Variants in EPB41L3 observed in about 807,000 individuals in gnomAD.
EPB41L3 encodes band 4.1-like protein 3.
A neutral mutation model predicts 127.1 loss-of-function variants in EPB41L3; 57 were observed. The observed-to-expected ratio is 0.45, with a 90% CI of 0.36 to 0.56. EPB41L3 has a LOEUF of 0.56. Ranked by LOEUF, EPB41L3 falls within the 20% of genes least tolerant of loss-of-function variation. The probability of loss-of-function intolerance (pLI) is 0.00; values close to 1 mark genes in which losing one functional copy is unlikely to be tolerated. For synonymous variants in EPB41L3, 572 were observed against 549.5 expected, an observed-to-expected ratio of 1.04 and a Z score of -0.57; for missense variants, 1,273 against 1,372.2, an observed-to-expected ratio of 0.93 and a Z score of 1.14.
intron 5 of EPB41L3, among the ~76,000 whole-genome samples, chr18:5,441,809 A>T (rs73379535): frequency 0.015 from 2,342 of 152,282 alleles, 65 homozygotes; most frequent in African/African-American, 0.053. Flanking sequence ...TATCTCCTTT[A>T]TCTGCAAGAC....
At chr18:5,615,861 T>C (rs1695756899) in intron 1 of EPB41L3, among the ~76,000 whole-genome samples, 1 of 152,154 alleles carries the variant, frequency 6.6e-6, no homozygotes, top group Non-Finnish European at 1.5e-5. Flanking sequence ...GGACAACCCC[T>C]ATCTGTATCA....
chr18:5,415,742 C>T, intron 13 of EPB41L3, 76 bp downstream of exon 13: 2 of 1,417,872 alleles, frequency 1.4e-6, no homozygotes, highest in Non-Finnish European at 9.6e-7. Context: ...ACCACTATGG[C>T]AGCAGCCAGC....
At chr18:5,517,947 C>G (rs1260383125) in intron 1 of EPB41L3, among the ~76,000 whole-genome samples, 1 of 152,132 alleles carries the variant, frequency 6.6e-6, no homozygotes, top group Non-Finnish European at 1.5e-5. Context: ...TCTTCTATAC[C>G]TATGCTCAGT....
At chr18:5,508,006 G>A (rs185338343) in intron 1 of EPB41L3, among the ~76,000 whole-genome samples, 16 of 152,146 alleles carry the variant, frequency 1.1e-4, no homozygotes, top group African/African-American at 3.9e-4. Context: ...CTGAGCTTGG[G>A]AGATAATTAC....
At chr18:5,432,084 A>C (rs1174878905) in intron 8 of EPB41L3, among the ~76,000 whole-genome samples, 1 of 152,142 alleles carries the variant, frequency 6.6e-6, no homozygotes, top group Non-Finnish European at 1.5e-5. Context: ...TGACGTGCAG[A>C]GTGATCCGCG....
At chr18:5,465,850 T>A (rs1449588130) in intron 3 of EPB41L3, among the ~76,000 whole-genome samples, 1 of 152,186 alleles carries the variant, frequency 6.6e-6, no homozygotes, top group Non-Finnish European at 1.5e-5. Context: ...CAGTCTCATT[T>A]AATTCATGAA....
rs943713382 is a variant in EPB41L3 at position 5,393,187 on chromosome 18, A to T, written c.*298T>A. Reference sequence around the variant, plus strand: ...ACCACGGTTTATATTGTTGGTTATGAACGTGCAGGTATAGCTGAAAACTGA... The same window carrying T: ...ACCACGGTTTATATTGTTGGTTATGTACGTGCAGGTATAGCTGAAAACTGA... On this transcript the variant is annotated 3_prime_UTR_variant, in exon 23 of 23. Transcript: ENST00000341928. 1 of 356,358 alleles carries T rather than the reference A, an allele frequency of 2.8e-6. No individual in the cohort carries two copies. The highest frequency in any genetic ancestry group is 2.1e-5 in the African/African-American group (1 of 47,482). 22.1% of individuals were successfully genotyped at this position (356,358 alleles called of 1,614,324 possible).
chr18:5,591,882 C>T (rs974821777), intron 3 of EPB41L3, among the ~76,000 whole-genome samples: 1 of 152,116 alleles, frequency 6.6e-6, no homozygotes, highest in Non-Finnish European at 1.5e-5. Flanking sequence ...ATAGTCACTA[C>T]CCTTCCCAGA....
At position 5,398,051 on chromosome 18, in the gene EPB41L3, C is replaced by T. The variant is rs759565422; in HGVS notation, c.2442G>A (p.Gly814=). The T allele has an allele frequency of 1.2e-6, 2 of 1,614,068 alleles. No individual in the cohort carries two copies. The highest frequency in any genetic ancestry group is 2.2e-5 in the South Asian group (2 of 91,072). Reference sequence around the variant, plus strand: ...CCCAGCTTTGAGAAGTAGAAGTAACCCCTCCTATGAATTCTGTTGGTTTTC... The same window carrying T: ...CCCAGCTTTGAGAAGTAGAAGTAACTCCTCCTATGAATTCTGTTGGTTTTC... ...SARKPTEFIG[G]VTSTSQSWVQ... is the part of the protein sequence containing the mutation. Residue 814 remains glycine (G), a synonymous_variant, in exon 17 of 23, where the codon GGG becomes GGA. Coordinates refer to ENST00000341928, the MANE Select transcript of EPB41L3 (RefSeq NM_012307.5).
chr18:5,432,078 G>A (rs907329902), intron 8 of EPB41L3, among the ~76,000 whole-genome samples: 10 of 152,114 alleles, frequency 6.6e-5, no homozygotes, highest in East Asian at 5.8e-4. Flanking sequence ...CCTGCATGAC[G>A]TGCAGAGTGA....
At chr18:5,508,196 C>T (rs1191233040) in intron 1 of EPB41L3, 2 of 152,152 alleles carry the variant, frequency 1.3e-5, no homozygotes, top group South Asian at 2.1e-4. Flanking sequence ...ACTATAAATA[C>T]TTTGTCTTCT....
At chr18:5,458,499 G>A (rs1419177428) in intron 3 of EPB41L3, among the ~76,000 whole-genome samples, 2 of 152,114 alleles carry the variant, frequency 1.3e-5, no homozygotes, top group Non-Finnish European at 2.9e-5. Flanking sequence ...ACCTGGATCT[G>A]GACACCATCT....
At chr18:5,405,700 G>C (rs894126045) in intron 16 of EPB41L3, among the ~76,000 whole-genome samples, 1 of 151,912 alleles carries the variant, frequency 6.6e-6, no homozygotes, top group African/African-American at 2.4e-5. Context: ...GCTGAGGCAG[G>C]AGGATCACTT....
At chr18:5,411,361 C>A (rs1325896024) in intron 13 of EPB41L3, among the ~76,000 whole-genome samples, 1 of 151,954 alleles carries the variant, frequency 6.6e-6, no homozygotes, top group Non-Finnish European at 1.5e-5. Context: ...TCAAATGAAG[C>A]AAATAAGAAG....
chr18:5,484,085 T>TCAAAAAAAAAAAAAAAAAAAA (rs2089162825), intron 2 of EPB41L3, among the ~76,000 whole-genome samples: 1 of 3,836 alleles, frequency 2.6e-4, no homozygotes, highest in Non-Finnish European at 5.2e-4. Flanking sequence ...CCAAACAAAC[T>TCAAAAAAAAAAAAAAAAAAAA]CAAAAAAAAA....
At chr18:5,447,532 T>C (rs1353973848) in intron 3 of EPB41L3, among the ~76,000 whole-genome samples, 1 of 151,534 alleles carries the variant, frequency 6.6e-6, no homozygotes, top group African/African-American at 2.4e-5. Flanking sequence ...ACTTTCTCTA[T>C]GTGTAAACAA....
intron 3 of EPB41L3, among the ~76,000 whole-genome samples, chr18:5,456,835 G>C (rs2083159537): frequency 6.6e-6 from 1 of 152,226 alleles, no homozygotes; most frequent in Non-Finnish European, 1.5e-5. Context: ...GGGGTAAGGA[G>C]GAAGCTGCTG....
chr18:5,574,677 C>T (rs1197958205), intron 3 of EPB41L3, among the ~76,000 whole-genome samples: 2 of 152,092 alleles, frequency 1.3e-5, no homozygotes, highest in Non-Finnish European at 2.9e-5. Flanking sequence ...CTGTAAAAGT[C>T]CTGGGCCCTG....
chr18:5,574,763 C>T (rs2094320800), intron 3 of EPB41L3, among the ~76,000 whole-genome samples: 1 of 152,186 alleles, frequency 6.6e-6, no homozygotes, highest in Non-Finnish European at 1.5e-5. Flanking sequence ...TCCCTTATGA[C>T]TATTCTGGGA....
Sources: allele counts gnomAD v4.1 joint callset (sites outside exome capture counted in the v4.1 genomes callset), GRCh38; gene constraint gnomAD v4.1.1; transcripts MANE v1.5; gene names NCBI Gene and HGNC (gene_info 2026-07-23, HGNC 2026-07-21).